Variants in RUNX1T1 observed in about 807,000 individuals in gnomAD.
The protein encoded by RUNX1T1 is RUNX1 partner transcriptional co-repressor 1, also known as protein CBFA2T1.
A neutral mutation model predicts 62.8 loss-of-function variants in RUNX1T1; 4 were observed. The ratio of observed to expected loss-of-function variants is 0.06; its 90% CI spans 0.03 to 0.15. The LOEUF (loss-of-function observed/expected upper bound fraction) is 0.15, where lower values mean the gene tolerates loss of function less well. RUNX1T1 is among the 10% of genes least tolerant of loss of function. RUNX1T1 has a pLI of 1.00. For synonymous variants in RUNX1T1, 291 were observed against 286.0 expected (o/e 1.02, Z -0.18); for missense variants, 508 against 754.3 (o/e 0.67, Z 3.82).
At chr8:91,976,415 G>C (rs1197622976) in intron 8 of RUNX1T1, among the ~76,000 whole-genome samples, 1 of 152,128 alleles carries the variant, frequency 6.6e-6, no homozygotes, top group Admixed American at 6.5e-5. Context: ...ACCTTTCAAT[G>C]AATAGCAAGC....
chr8:92,054,248 G>C (rs1049661469), intron 1 of RUNX1T1, among the ~76,000 whole-genome samples: 3 of 152,086 alleles, frequency 2.0e-5, no homozygotes, highest in African/African-American at 7.2e-5. Context: ...ATGTGTAAAA[G>C]GGTGGCACAC....
chr8:92,024,287 C>G (rs1459515006), intron 1 of RUNX1T1, among the ~76,000 whole-genome samples: 5 of 151,778 alleles, frequency 3.3e-5, no homozygotes, highest in African/African-American at 7.3e-5. Context: ...GGTGGGTGGA[C>G]CACTTGAGTA....
intron 1 of RUNX1T1, among the ~76,000 whole-genome samples, chr8:92,092,135 G>C (rs1837119166): frequency 1.3e-5 from 2 of 152,112 alleles, no homozygotes; most frequent in South Asian, 4.2e-4. Flanking sequence ...AATTTCACCA[G>C]TCTTCCTTCC....
chr8:91,959,266 A>T (rs1809853462), exon 11 of RUNX1T1: 1 of 219,120 alleles, frequency 4.6e-6, no homozygotes, highest in Non-Finnish European at 9.3e-6. Flanking sequence ...TATTTTTTTC[A>T]ATATAAAATG....
chr8:91,980,914 C>T (rs1815085186), intron 8 of RUNX1T1, among the ~76,000 whole-genome samples: 2 of 152,178 alleles, frequency 1.3e-5, no homozygotes, highest in South Asian at 2.1e-4. Flanking sequence ...TCAAGGGATC[C>T]TCTCACCTCA....
intron 1 of RUNX1T1, among the ~76,000 whole-genome samples, chr8:92,059,277 T>C (rs1831523119): frequency 6.6e-6 from 1 of 152,168 alleles, no homozygotes; most frequent in Non-Finnish European, 1.5e-5. Context: ...TGGACTGCTG[T>C]GAGTGTTTTT....
chr8:92,081,286 AT>A, intron 1 of RUNX1T1: 1 of 964,742 alleles, frequency 1.0e-6, no homozygotes, highest in African/African-American at 1.8e-5. Flanking sequence ...AGTTCTTATC[AT>A]TTGATACTAG....
At chr8:91,981,619 G>A (rs1041796362) in intron 8 of RUNX1T1, among the ~76,000 whole-genome samples, 2 of 151,422 alleles carry the variant, frequency 1.3e-5, no homozygotes, top group Admixed American at 1.3e-4. Flanking sequence ...GTTTCACCGT[G>A]TTAGCCAGGA....
chr8:91,980,210 A>G (rs1322370669), intron 8 of RUNX1T1, among the ~76,000 whole-genome samples: 1 of 152,192 alleles, frequency 6.6e-6, no homozygotes, highest in Non-Finnish European at 1.5e-5. Context: ...TAATAGTCCC[A>G]TATTTTTAAA....
intron 5 of RUNX1T1, among the ~76,000 whole-genome samples, chr8:91,992,882 C>T (rs1817945540): frequency 6.6e-6 from 1 of 152,158 alleles, no homozygotes; most frequent in Non-Finnish European, 1.5e-5. Context: ...CCTTGATTCT[C>T]AAATAAAAGT....
exon 1 of RUNX1T1, chr8:92,062,833 G>A: frequency 7.0e-7 from 1 of 1,429,052 alleles, no homozygotes. Flanking sequence ...AACAATGACA[G>A]GGATGTGTGT....
chr8:92,064,939 CA>C (rs1410718742), upstream of RUNX1T1, among the ~76,000 whole-genome samples: 1 of 152,164 alleles, frequency 6.6e-6, no homozygotes, highest in Non-Finnish European at 1.5e-5. Flanking sequence ...TCCACATCAA[CA>C]AAACCTGGAT....
chr8:91,986,148 C>T (rs763084019), exon 8 of RUNX1T1: 57 of 1,613,904 alleles, frequency 3.5e-5, no homozygotes, highest in Non-Finnish European at 4.1e-5. Flanking sequence ...TCTGGGTTGA[C>T]GGGACTCTGC....
chr8:92,038,152 T>G (rs1181493727), intron 1 of RUNX1T1, among the ~76,000 whole-genome samples: 1 of 152,094 alleles, frequency 6.6e-6, no homozygotes, highest in Non-Finnish European at 1.5e-5. Context: ...ACCCTCAACC[T>G]CAACCTCCCA....
Position 92,088,561 on chromosome 8 carries a change from A to AT in RUNX1T1, c.-86+11018dup, listed in dbSNP as rs1446816561. 7.2e-5 allele frequency among the ~76,000 whole-genome samples: 11 copies of AT among 152,230 alleles called. No homozygotes were observed. In the East Asian group the frequency reaches 2.1e-3, roughly 29 times the overall value. ...ACAGCTGTGCTATTTCCCTGGCACC[A>AT]TGATCTGTGCCAACCCTTTTAGGTA... is the stretch of plus-strand genomic sequence containing the variant. On this transcript the variant is annotated intron_variant, in intron 1 of 11. Transcript: ENST00000265814.
intron 3 of RUNX1T1, among the ~76,000 whole-genome samples, chr8:92,013,116 C>A (rs1040284725): frequency 6.6e-6 from 1 of 151,824 alleles, no homozygotes; most frequent in African/African-American, 2.4e-5. Context: ...TTACTTGATA[C>A]AATTATTACT....
chr8:91,996,956 T>A (rs1356133742), intron 5 of RUNX1T1, among the ~76,000 whole-genome samples: 1 of 143,748 alleles, frequency 7.0e-6, no homozygotes, highest in Admixed American at 7.0e-5. Context: ...ACCCCGTCTC[T>A]ACTAAGAAAA....
At position 91,986,888 on chromosome 8, in the gene RUNX1T1, TG is replaced by T; in HGVS notation, c.994del (p.His332IlefsTer3). ...CCCAAATGATTACTGATGTCTTACA[TG>T]GTCAAGATGTTTCCACTCTTCTGCC... On this transcript the variant is annotated frameshift_variant and splice_region_variant, in exon 7 of 11. Transcript: ENST00000396218. LOFTEE classifies it high-confidence loss of function. The T allele has an allele frequency of 6.3e-7, 1 of 1,583,638 alleles. No homozygotes were observed. Among genetic ancestry groups the T allele is most frequent in the Non-Finnish European group, 8.7e-7 (1 of 1,152,838 alleles).
intron 4 of RUNX1T1, chr8:92,009,866 G>T (rs1052908286): frequency 1.3e-5 from 2 of 152,090 alleles, no homozygotes; most frequent in African/African-American, 4.8e-5. Context: ...GAATATAATT[G>T]TAATCTGGGT....
Sources: allele counts gnomAD v4.1 joint callset (sites outside exome capture counted in the v4.1 genomes callset), GRCh38; gene constraint gnomAD v4.1.1; transcripts MANE v1.5; gene names NCBI Gene and HGNC (gene_info 2026-07-23, HGNC 2026-07-21).